DNA2: variants seen among roughly 807,000 people sequenced by gnomAD.
DNA2 encodes DNA replication ATP-dependent helicase/nuclease DNA2.
Under a neutral mutation model 119.1 loss-of-function variants are expected in DNA2, and 101 were observed. The ratio of observed to expected loss-of-function variants is 0.85; its 90% CI spans 0.72 to 1.00. The LOEUF (loss-of-function observed/expected upper bound fraction) is 1.00, where lower values mean the gene tolerates loss of function less well. Ranked by LOEUF, DNA2 falls within the 50% of genes least tolerant of loss-of-function variation. The pLI, the probability that DNA2 is intolerant of heterozygous loss-of-function variation, is 0.00. For synonymous variants in DNA2, 366 were observed against 424.4 expected (o/e 0.86, Z 1.69); for missense variants, 1,121 against 1,255.5 (o/e 0.89, Z 1.62).
At chr10:68,443,540 G>A (rs559783316) in intron 8 of DNA2, among the ~76,000 whole-genome samples, 1 of 152,254 alleles carries the variant, frequency 6.6e-6, no homozygotes, top group South Asian at 2.1e-4. Flanking sequence ...ACATGCTATA[G>A]GACAGCATAC....
Position 68,432,384 on chromosome 10 carries a change from T to G in DNA2, c.1763+10A>C. On this transcript the variant is annotated intron_variant, in intron 11 of 20. Coordinates refer to ENST00000358410, the MANE Select transcript of DNA2 (RefSeq NM_001080449.3). ...TGGAGTGAAATTCAAATTTGCTCAT[T>G]GTTACAAACCTGACAAACGTGTTTT... The G allele has an allele frequency of 6.3e-7, 1 of 1,577,624 alleles. No individual in the cohort carries two copies. Among genetic ancestry groups the G allele is most frequent in the Non-Finnish European group, 8.7e-7 (1 of 1,155,148 alleles).
At chr10:68,457,027 A>G (rs1037334015) in intron 5 of DNA2, among the ~76,000 whole-genome samples, 16 of 151,624 alleles carry the variant, frequency 1.1e-4, no homozygotes, top group South Asian at 2.1e-4. Flanking sequence ...CCAGCTACTC[A>G]GGAGGCTGAG....
At chr10:68,450,458 C>G (rs2052104020) in intron 5 of DNA2, among the ~76,000 whole-genome samples, 1 of 152,146 alleles carries the variant, frequency 6.6e-6, no homozygotes, top group African/African-American at 2.4e-5. Context: ...AAGACCCACT[C>G]CAAACCTACT....
chr10:68,428,269 T>C (rs1480099006), intron 14 of DNA2, among the ~76,000 whole-genome samples: 2 of 152,016 alleles, frequency 1.3e-5, no homozygotes, highest in Non-Finnish European at 2.9e-5. Flanking sequence ...GAGCTTGCAG[T>C]GAGCCAAGAT....
chr10:68,461,782 C>A, intron 4 of DNA2, among the ~76,000 whole-genome samples: 1 of 141,982 alleles, frequency 7.0e-6, no homozygotes, highest in African/African-American at 2.6e-5. Flanking sequence ...GAGCTGAGAT[C>A]ATGCCACTGC....
intron 9 of DNA2, among the ~76,000 whole-genome samples, chr10:68,442,492 T>C (rs1312127594): frequency 6.6e-6 from 1 of 152,062 alleles, no homozygotes; most frequent in Non-Finnish European, 1.5e-5. Context: ...GTTCAAGCGA[T>C]TCTCCTGCCT....
intron 19 of DNA2, among the ~76,000 whole-genome samples, chr10:68,417,406 A>AC (rs1248885767): frequency 2.0e-5 from 3 of 150,894 alleles, no homozygotes; most frequent in South Asian, 2.1e-4. Context: ...AAAAAAAAAA[A>AC]AAAAAACACT....
At chr10:68,459,624 T>C (rs2052229135) in intron 4 of DNA2, among the ~76,000 whole-genome samples, 1 of 152,124 alleles carries the variant, frequency 6.6e-6, no homozygotes, top group African/African-American at 2.4e-5. Flanking sequence ...CGTTATTGTT[T>C]CAAGGGCACA....
chr10:68,434,369 T>A (rs551193386), intron 10 of DNA2, among the ~76,000 whole-genome samples: 12 of 152,056 alleles, frequency 7.9e-5, no homozygotes, highest in African/African-American at 2.2e-4. Flanking sequence ...GAAAATAAGC[T>A]GGGTGTAGTA....
chr10:68,442,458 T>G (rs1590061607), intron 9 of DNA2, among the ~76,000 whole-genome samples: 1 of 149,674 alleles, frequency 6.7e-6, no homozygotes, highest in African/African-American at 2.5e-5. Flanking sequence ...AGGATCTTGG[T>G]TGACTGCAGC....
chr10:68,455,661 A>C (rs1165079920), intron 5 of DNA2, among the ~76,000 whole-genome samples: 1 of 151,954 alleles, frequency 6.6e-6, no homozygotes, highest in Non-Finnish European at 1.5e-5. Flanking sequence ...CCTCTACTAA[A>C]AATACAAAAA....
intron 4 of DNA2, among the ~76,000 whole-genome samples, 172 bp from the exon 5 acceptor site, chr10:68,459,407 C>T (rs2052227346): frequency 6.6e-6 from 1 of 152,146 alleles, no homozygotes; most frequent in Non-Finnish European, 1.5e-5. Flanking sequence ...TGGCATATTC[C>T]ATACAATGCA....
chr10:68,462,518 G>T (rs1457418717), intron 4 of DNA2, among the ~76,000 whole-genome samples: 1 of 152,088 alleles, frequency 6.6e-6, no homozygotes, highest in South Asian at 2.1e-4. Flanking sequence ...GTGTAAAGGG[G>T]TCCTGAGAGC....
In DNA2 at chr10:68,449,952, A is replaced by G. The variant is rs2052095823; in HGVS notation, c.939+76T>C. 43 of 1,068,736 alleles carry G rather than the reference A, an allele frequency of 4.0e-5. No homozygotes were observed. The South Asian group carries it at 7.1e-4, about 18-fold the overall frequency. The allele number at this position is 1,068,736 out of a possible 1,614,324, so 66.2% of individuals were successfully genotyped here. The stretch of plus-strand genomic sequence containing the variant: ...CCACGCCACTGCTCTCCAGCCTGGG[A>G]GACAGAACAAGACTCTGTCTCAAAA... On this transcript the variant is annotated intron_variant, in intron 6 of 20. Transcript: ENST00000358410.
intron 1 of DNA2, chr10:68,470,512 G>A: frequency 4.8e-6 from 2 of 416,688 alleles, no homozygotes; most frequent in Non-Finnish European, 9.3e-6. Flanking sequence ...TACTCAAGAG[G>A]CTGAGGTGGA....
intron 10 of DNA2, 80 bp downstream of exon 10, chr10:68,436,931 T>A: frequency 8.8e-7 from 1 of 1,142,836 alleles, no homozygotes; most frequent in East Asian, 2.4e-5. Flanking sequence ...CAGCGAATTG[T>A]ACATTTTAAA....
chr10:68,424,841 C>A, intron 14 of DNA2: 3 of 839,608 alleles, frequency 3.6e-6, no homozygotes, highest in Non-Finnish European at 6.3e-6. Context: ...ACAGCACAAC[C>A]GTCCACGTGG....
chr10:68,466,051 T>C (rs919444843), intron 3 of DNA2, among the ~76,000 whole-genome samples: 2 of 152,020 alleles, frequency 1.3e-5, no homozygotes, highest in Non-Finnish European at 2.9e-5. Context: ...GACAGAGTCT[T>C]GCTCTGTCAC....
chr10:68,444,262 C>T lies in DNA2; in HGVS notation c.1220+659G>A, dbSNP rs369440628. Among the ~76,000 whole-genome samples the T allele has an allele frequency of 8.6e-5, 13 of 150,436 alleles. No individual in the cohort carries two copies. In the East Asian group the frequency reaches 1.8e-3, roughly 21 times the overall value. ...AAAATTAGCTGGGTGCGGTGGCGAG[C>T]GCCTGTAGTCCCAGCTATTCGGGAA... is the stretch of plus-strand genomic sequence containing the variant. On this transcript the variant is annotated intron_variant, in intron 8 of 20. Coordinates refer to ENST00000358410, the MANE Select transcript of DNA2 (RefSeq NM_001080449.3).
Sources: gnomAD v4.1 joint callset for allele counts (sites outside exome capture counted in the v4.1 genomes callset) on GRCh38, gnomAD v4.1.1 for gene constraint, MANE v1.5 for transcripts, NCBI Gene and HGNC (gene_info 2026-07-23, HGNC 2026-07-21) for gene names.